Variants in GNAQ observed in about 807,000 individuals in gnomAD.
GNAQ encodes G protein subunit alpha q, also known as guanine nucleotide-binding protein G(q) subunit alpha.
A neutral mutation model predicts 43.9 loss-of-function variants in GNAQ; 8 were observed. The observed-to-expected ratio is 0.18, with a 90% CI of 0.11 to 0.33. The LOEUF (loss-of-function observed/expected upper bound fraction) is 0.33, where lower values mean the gene tolerates loss of function less well. Among genes scored for constraint, GNAQ ranks in the 10% least tolerant of loss-of-function variants. GNAQ has a pLI of 1.00. For missense variants in GNAQ, 158 were observed against 450.8 expected, an observed-to-expected ratio of 0.35 and a Z score of 5.88; for synonymous variants, 155 against 170.7, an observed-to-expected ratio of 0.91 and a Z score of 0.71.
chr9:77,860,798 C>T (rs888261024), intron 2 of GNAQ, among the ~76,000 whole-genome samples: 3 of 152,090 alleles, frequency 2.0e-5, no homozygotes, highest in Non-Finnish European at 2.9e-5. Context: ...TGGAGGTTGC[C>T]TCAGGCTAGA....
chr9:77,927,028 G>A (rs890678954), intron 1 of GNAQ, among the ~76,000 whole-genome samples: 2 of 152,132 alleles, frequency 1.3e-5, no homozygotes, highest in Non-Finnish European at 2.9e-5. Flanking sequence ...ATGATACAGT[G>A]CATCAATTTG....
chr9:77,794,396 A>G, intron 5 of GNAQ, 67 bp downstream of exon 5: 1 of 1,111,732 alleles, frequency 9.0e-7, no homozygotes, highest in Admixed American at 2.3e-5. Context: ...CCCACACCCT[A>G]CTTTCTATCA....
At chr9:77,727,087 CTTT>C (rs60016428) in intron 6 of GNAQ, among the ~76,000 whole-genome samples, 247 of 139,152 alleles carry the variant, frequency 1.8e-3, no homozygotes, top group Middle Eastern at 3.6e-3. Context: ...AATAAATAAA[CTTT>C]TTTTTTTTTT....
At chr9:77,775,365 C>A (rs1826290539) in intron 5 of GNAQ, among the ~76,000 whole-genome samples, 1 of 151,536 alleles carries the variant, frequency 6.6e-6, no homozygotes, top group South Asian at 2.1e-4. Flanking sequence ...CCAATTTATC[C>A]TCCTATTAAC....
At chr9:77,931,375 G>A (rs2118307405) in intron 1 of GNAQ, among the ~76,000 whole-genome samples, 1 of 151,998 alleles carries the variant, frequency 6.6e-6, no homozygotes, top group Non-Finnish European at 1.5e-5. Flanking sequence ...GGCAGATCAC[G>A]AGGTCAGGAG....
intron 2 of GNAQ, among the ~76,000 whole-genome samples, chr9:77,860,129 C>T (rs1008565016): frequency 2.0e-5 from 3 of 152,150 alleles, no homozygotes; most frequent in African/African-American, 7.2e-5. Flanking sequence ...ATTAAAGCTG[C>T]CCTAGAACAG....
chr9:77,862,008 TAAAAAAA>T (rs56145947), intron 2 of GNAQ, among the ~76,000 whole-genome samples: 5 of 118,116 alleles, frequency 4.2e-5, no homozygotes, highest in South Asian at 2.6e-4. Context: ...CTGTCTGGGG[TAAAAAAA>T]AAAAAAAAAA....
At chr9:77,881,267 A>G (rs1410564) in intron 2 of GNAQ, among the ~76,000 whole-genome samples, 119,772 of 152,256 alleles carry the variant, frequency 0.79, 47,316 homozygotes, top group Admixed American at 0.84. Context: ...ACAACGGCAG[A>G]GAGCCATTGT....
intron 5 of GNAQ, among the ~76,000 whole-genome samples, chr9:77,786,329 G>C (rs1826478244): frequency 6.8e-6 from 1 of 146,298 alleles, no homozygotes; most frequent in South Asian, 2.2e-4. Context: ...AGCGAGCCGA[G>C]ATGGTGACAG....
chr9:77,968,139 A>AAGTATACTTAAAAAAACCACTG (rs1441642238), intron 1 of GNAQ, among the ~76,000 whole-genome samples: 8 of 152,224 alleles, frequency 5.3e-5, no homozygotes, highest in Non-Finnish European at 1.2e-4. Flanking sequence ...ATTCAGTGAT[A>AAGTATACTTAAAAAAACCACTG]AGTATACTTA....
chr9:77,922,569 A>C (rs559616249), intron 1 of GNAQ, among the ~76,000 whole-genome samples: 2 of 152,178 alleles, frequency 1.3e-5, no homozygotes, highest in South Asian at 2.1e-4. Context: ...AAAAACCCAA[A>C]CCCGTCACCT....
Position 77,922,263 on chromosome 9 carries a change from C to A in GNAQ, c.219G>T (p.Arg73Ser). The A allele has an allele frequency of 6.2e-7, 1 of 1,612,202 alleles. No individual in the cohort carries two copies. Among genetic ancestry groups the A allele is most frequent in the Non-Finnish European group, 8.5e-7 (1 of 1,178,296 alleles). Residue 73 changes from arginine to serine, a missense_variant, in exon 2 of 7, where the codon AGG becomes AGT. Transcript: ENST00000286548. ...TCTGATACACCAGCTTGGTGAAGCC[C>A]CTTTTATCTTCATCAGAGTATCCTG... ...HGSGYSDEDKRGFTKLVYQNI... is the reference protein window; with the variant it reads ...HGSGYSDEDKSGFTKLVYQNI...
intron 3 of GNAQ, among the ~76,000 whole-genome samples, chr9:77,799,147 T>G (rs1236711070): frequency 6.6e-6 from 1 of 152,220 alleles, no homozygotes; most frequent in African/African-American, 2.4e-5. Flanking sequence ...AACTGTGTTC[T>G]CCTTTGTCCT....
Position 77,909,582 on chromosome 9 carries a change from C to G in GNAQ, c.321+12579G>C, listed in dbSNP as rs1828766148. Among the ~76,000 whole-genome samples the G allele has an allele frequency of 2.0e-5, 3 of 152,010 alleles. No homozygotes were observed. The South Asian group carries it at 6.2e-4, about 31-fold the overall frequency. On this transcript the variant is annotated intron_variant, in intron 2 of 6. Coordinates refer to ENST00000286548, the MANE Select transcript of GNAQ (RefSeq NM_002072.5). ...TTGACAGAAGCAGATAACCTACCAG[C>G]CAATCCAATACTACTGCTCATCTCA...
intron 2 of GNAQ, among the ~76,000 whole-genome samples, chr9:77,862,532 G>A (rs1030173482): frequency 4.6e-4 from 70 of 152,316 alleles, no homozygotes; most frequent in Non-Finnish European, 4.6e-4. Flanking sequence ...TAGTGGAGCA[G>A]CTGGGCCACA....
intron 2 of GNAQ, among the ~76,000 whole-genome samples, chr9:77,865,776 T>C (rs768846474): frequency 2.6e-5 from 4 of 152,160 alleles, no homozygotes; most frequent in Non-Finnish European, 4.4e-5. Flanking sequence ...ACTCCATCTC[T>C]CGTGTTGTAT....
At chr9:77,925,135 C>T (rs1829051945) in intron 1 of GNAQ, among the ~76,000 whole-genome samples, 1 of 152,072 alleles carries the variant, frequency 6.6e-6, no homozygotes, top group Non-Finnish European at 1.5e-5. Context: ...CCCCAGGTTA[C>T]TGCACCAGCT....
intron 3 of GNAQ, among the ~76,000 whole-genome samples, chr9:77,809,593 A>T (rs946900857): frequency 1.3e-5 from 2 of 152,208 alleles, no homozygotes; most frequent in African/African-American, 4.8e-5. Flanking sequence ...ACTCCCTAGG[A>T]TCTTAGAATG....
chr9:77,948,162 AAT>A (rs1460211573), intron 1 of GNAQ, among the ~76,000 whole-genome samples: 1 of 152,226 alleles, frequency 6.6e-6, no homozygotes, highest in Non-Finnish European at 1.5e-5. Context: ...TGAATAAAAT[AAT>A]GTTATTTGTG....
Sources: allele counts gnomAD v4.1 joint callset (sites outside exome capture counted in the v4.1 genomes callset), GRCh38; gene constraint gnomAD v4.1.1; transcripts MANE v1.5; gene names NCBI Gene and HGNC (gene_info 2026-07-23, HGNC 2026-07-21).